The following SDHAF3 variants were observed in gnomAD, a reference collection of about 807,000 sequenced individuals.
SDHAF3 encodes the protein succinate dehydrogenase assembly factor 3, mitochondrial.
In SDHAF3, 18 loss-of-function variants were observed where a neutral mutation model predicts 11.5. The observed-to-expected ratio is 1.56, with a 90% CI of 1.08 to 2.32. The LOEUF is 2.32. Ranked by LOEUF, SDHAF3 falls within the 30% of genes most tolerant of loss-of-function variation. SDHAF3 has a pLI of 0.00. For missense variants in SDHAF3, 200 were observed against 154.4 expected, an observed-to-expected ratio of 1.30 and a Z score of -1.57; for synonymous variants, 72 against 59.3, an observed-to-expected ratio of 1.21 and a Z score of -0.99.
chr7:97,142,077 AGT>A (rs1234983881), intron 1 of SDHAF3, among the ~76,000 whole-genome samples: 1 of 100,668 alleles, frequency 9.9e-6, no homozygotes, highest in Non-Finnish European at 1.7e-5. Flanking sequence ...TTTTTGAGAC[AGT>A]GTCTCGCCCT....
intron 1 of SDHAF3, among the ~76,000 whole-genome samples, chr7:97,174,284 G>T (rs1206308533): frequency 6.6e-6 from 1 of 152,188 alleles, no homozygotes; most frequent in Non-Finnish European, 1.5e-5. Context: ...CTTTTGTTAA[G>T]CTCTTTGAGT....
In SDHAF3 at chr7:97,136,057, T is replaced by C. The variant is rs148702972; in HGVS notation, c.174+18160T>C. Among the ~76,000 whole-genome samples the C allele has an allele frequency of 6.4e-3, 966 of 151,864 alleles. 11 individuals carry two copies. The highest frequency in any genetic ancestry group is 0.022 in the African/African-American group (921 of 41,408). Reference sequence around the variant, plus strand: ...TGATTAGGATAGATATAAATGTATTTGTCAGAGACTATCTTAAATATGCAT... The same window carrying C: ...TGATTAGGATAGATATAAATGTATTCGTCAGAGACTATCTTAAATATGCAT... On this transcript the variant is annotated intron_variant, in intron 1 of 1. Transcript: ENST00000432641.
intron 1 of SDHAF3, among the ~76,000 whole-genome samples, chr7:97,130,546 G>A (rs1246301264): frequency 6.6e-6 from 1 of 152,168 alleles, no homozygotes; most frequent in African/African-American, 2.4e-5. Context: ...GTTACAGCTT[G>A]TTCATTCCCA....
intron 1 of SDHAF3, among the ~76,000 whole-genome samples, chr7:97,178,197 G>A (rs1177167670): frequency 6.6e-6 from 1 of 152,036 alleles, no homozygotes. Flanking sequence ...ATCTTTTTAA[G>A]GTTTATCCAT....
At chr7:97,156,059 C>T (rs549325590) in intron 1 of SDHAF3, among the ~76,000 whole-genome samples, 1 of 152,258 alleles carries the variant, frequency 6.6e-6, no homozygotes, top group South Asian at 2.1e-4. Context: ...TTCTTATTCA[C>T]ATTTAGCCTA....
At chr7:97,170,132 T>C (rs896180658) in intron 1 of SDHAF3, among the ~76,000 whole-genome samples, 1 of 151,898 alleles carries the variant, frequency 6.6e-6, no homozygotes, top group Admixed American at 6.6e-5. Context: ...TTTACTGTGG[T>C]GTCATTGATG....
chr7:97,167,955 T>A (rs572194370), intron 1 of SDHAF3, among the ~76,000 whole-genome samples: 4 of 152,218 alleles, frequency 2.6e-5, no homozygotes, highest in African/African-American at 9.6e-5. Flanking sequence ...CTGCACAGGG[T>A]CTTGCCTGGG....
chr7:97,178,071 C>T (rs1310201001), intron 1 of SDHAF3, among the ~76,000 whole-genome samples: 1 of 152,186 alleles, frequency 6.6e-6, no homozygotes, highest in Non-Finnish European at 1.5e-5. Context: ...CCCTCTCCTA[C>T]CTCCTCCCAG....
intron 1 of SDHAF3, among the ~76,000 whole-genome samples, chr7:97,171,240 A>C (rs1470370602): frequency 1.3e-5 from 2 of 152,080 alleles, no homozygotes; most frequent in Admixed American, 6.5e-5. Context: ...GCTAAAGAGA[A>C]TCTTATAATA....
At position 97,172,518 on chromosome 7, in the gene SDHAF3, T is replaced by G. The variant is rs560732648; in HGVS notation, c.175-8494T>G. Among the ~76,000 whole-genome samples, 5 of 152,324 alleles carry G rather than the reference T, an allele frequency of 3.3e-5. No homozygotes were observed. The South Asian group carries it at 1.0e-3, about 32-fold the overall frequency. ...CCAACACTGTTCATTATTGGAATCT[T>G]AAATTGTGGCCCATATTTGTTTATT... On this transcript the variant is annotated intron_variant, in intron 1 of 1. Coordinates refer to ENST00000432641, the MANE Select transcript of SDHAF3 (RefSeq NM_020186.3).
At chr7:97,126,911 T>G (rs554259332) in intron 1 of SDHAF3, among the ~76,000 whole-genome samples, 4 of 151,752 alleles carry the variant, frequency 2.6e-5, no homozygotes, top group Non-Finnish European at 5.9e-5. Context: ...AGCTTTGAGC[T>G]TGAAACCCAG....
intron 1 of SDHAF3, among the ~76,000 whole-genome samples, chr7:97,158,691 T>A (rs1789347673): frequency 6.6e-6 from 1 of 152,122 alleles, no homozygotes; most frequent in Admixed American, 6.5e-5. Context: ...TTGGAAAAAA[T>A]AATTAAAAAA....
At chr7:97,139,694 A>G (rs1188766028) in intron 1 of SDHAF3, among the ~76,000 whole-genome samples, 4 of 152,232 alleles carry the variant, frequency 2.6e-5, no homozygotes, top group South Asian at 2.1e-4. Flanking sequence ...AGTGTGGGGT[A>G]GGAAGTAGGT....
At chr7:97,121,648 A>G (rs1189237015) in intron 1 of SDHAF3, among the ~76,000 whole-genome samples, 1 of 152,210 alleles carries the variant, frequency 6.6e-6, no homozygotes, top group Non-Finnish European at 1.5e-5. Flanking sequence ...AAAAGGATAG[A>G]CAATTGTAAT....
At chr7:97,127,988 T>C (rs1257553045) in intron 1 of SDHAF3, among the ~76,000 whole-genome samples, 3 of 150,240 alleles carry the variant, frequency 2.0e-5, no homozygotes, top group Admixed American at 6.7e-5. Flanking sequence ...GCAACCTCCT[T>C]CTCCTGGGTT....
chr7:97,146,976 C>T (rs535482870), intron 1 of SDHAF3, among the ~76,000 whole-genome samples: 4 of 152,118 alleles, frequency 2.6e-5, no homozygotes, highest in South Asian at 4.2e-4. Context: ...CTCCTGACCT[C>T]GTGATCCACC....
chr7:97,119,940 A>G (rs1473251010), intron 1 of SDHAF3, among the ~76,000 whole-genome samples: 6 of 152,194 alleles, frequency 3.9e-5, no homozygotes, highest in Non-Finnish European at 8.8e-5. Context: ...TGATACTAAC[A>G]TGACTTCTTA....
intron 1 of SDHAF3, among the ~76,000 whole-genome samples, chr7:97,147,967 T>G (rs1240202054): frequency 2.0e-5 from 3 of 152,070 alleles, no homozygotes; most frequent in Non-Finnish European, 4.4e-5. Context: ...CAGGCTGCAG[T>G]GCAGGCTCAC....
At chr7:97,163,024 T>C (rs1384381313) in intron 1 of SDHAF3, among the ~76,000 whole-genome samples, 1 of 152,184 alleles carries the variant, frequency 6.6e-6, no homozygotes, top group East Asian at 1.9e-4. Context: ...TGTGGGAGTC[T>C]AAGTCTCTTT....
Sources: allele counts gnomAD v4.1 joint callset (sites outside exome capture counted in the v4.1 genomes callset), GRCh38; gene constraint gnomAD v4.1.1; transcripts MANE v1.5; gene names NCBI Gene and HGNC (gene_info 2026-07-23, HGNC 2026-07-21).